Variants in KCNIP4 observed in about 807,000 individuals in gnomAD.
KCNIP4 encodes the protein potassium voltage-gated channel interacting protein 4.
KCNIP4 carries 12 observed loss-of-function variants against 34.0 expected under a neutral mutation model. That is an observed-to-expected ratio of 0.35 (90% confidence interval 0.23 to 0.57). The LOEUF (loss-of-function observed/expected upper bound fraction) is 0.57, where lower values mean the gene tolerates loss of function less well. Among genes scored for constraint, KCNIP4 ranks in the 20% least tolerant of loss-of-function variants. KCNIP4 has a pLI of 0.83. For synonymous variants in KCNIP4, 124 were observed against 102.2 expected (o/e 1.21, Z -1.29); for missense variants, 238 against 311.7 (o/e 0.76, Z 1.78).
At chr4:21,751,985 C>T (rs192093499) in intron 1 of KCNIP4, among the ~76,000 whole-genome samples, 60 of 152,280 alleles carry the variant, frequency 3.9e-4, no homozygotes, top group Non-Finnish European at 7.1e-4. Context: ...CCTCCTCCTT[C>T]AAGACGCATC....
At chr4:20,793,393 A>G (rs1713028831) in intron 3 of KCNIP4, among the ~76,000 whole-genome samples, 1 of 152,156 alleles carries the variant, frequency 6.6e-6, no homozygotes, top group African/African-American at 2.4e-5. Context: ...TCTGTGAATG[A>G]GATTGGCAAG....
At chr4:20,744,308 A>G (rs1263769812) in intron 5 of KCNIP4, among the ~76,000 whole-genome samples, 1 of 152,222 alleles carries the variant, frequency 6.6e-6, no homozygotes, top group East Asian at 1.9e-4. Flanking sequence ...ACACATGCAC[A>G]TGTATGTTTA....
chr4:21,827,733 T>C (rs1016521932), intron 1 of KCNIP4, among the ~76,000 whole-genome samples: 3 of 151,826 alleles, frequency 2.0e-5, no homozygotes, highest in Non-Finnish European at 2.9e-5. Flanking sequence ...TAAGAAAAAA[T>C]AAATACACTT....
At chr4:20,895,658 G>A (rs1726434146) in intron 1 of KCNIP4, among the ~76,000 whole-genome samples, 1 of 152,110 alleles carries the variant, frequency 6.6e-6, no homozygotes, top group African/African-American at 2.4e-5. Context: ...TAACCAATAA[G>A]TATTTATTGG....
intron 1 of KCNIP4, among the ~76,000 whole-genome samples, chr4:21,441,467 TC>T (rs1353345909): frequency 6.6e-6 from 1 of 152,064 alleles, no homozygotes. Context: ...AATGTCCCTT[TC>T]CCCATTGTTC....
chr4:21,447,602 T>C (rs1560415249), intron 1 of KCNIP4, among the ~76,000 whole-genome samples: 1 of 152,156 alleles, frequency 6.6e-6, no homozygotes, highest in Non-Finnish European at 1.5e-5. Context: ...TTCCTATACA[T>C]ACACACCTAT....
At chr4:21,027,330 G>A (rs6819439) in intron 1 of KCNIP4, among the ~76,000 whole-genome samples, 59,409 of 151,778 alleles carry the variant, frequency 0.39, 12,234 homozygotes, top group African/African-American at 0.53. Context: ...CAGAAGCTGT[G>A]CGGCCCGTGA....
intron 1 of KCNIP4, among the ~76,000 whole-genome samples, chr4:21,437,791 A>T (rs1727075715): frequency 6.6e-6 from 1 of 152,098 alleles, no homozygotes; most frequent in African/African-American, 2.4e-5. Context: ...CTTACTTTTA[A>T]TCTTGTTTTA....
At chr4:20,770,779 C>CA (rs1407686103) in intron 3 of KCNIP4, among the ~76,000 whole-genome samples, 1 of 152,000 alleles carries the variant, frequency 6.6e-6, no homozygotes, top group African/African-American at 2.4e-5. Flanking sequence ...ACTAAAAATA[C>CA]AAAAAATTAG....
chr4:21,024,482 A>AT (rs1425720460), intron 1 of KCNIP4, among the ~76,000 whole-genome samples: 3 of 152,216 alleles, frequency 2.0e-5, no homozygotes, highest in Non-Finnish European at 2.9e-5. Flanking sequence ...ACTTATAGTC[A>AT]TTCCCCAACA....
chr4:21,171,550 G>C (rs1445674297), intron 1 of KCNIP4, among the ~76,000 whole-genome samples: 1 of 152,092 alleles, frequency 6.6e-6, no homozygotes, highest in East Asian at 1.9e-4. Flanking sequence ...GAACAGCGAT[G>C]GGATCAGATT....
At chr4:21,545,317 A>T (rs1448137132) in intron 1 of KCNIP4, among the ~76,000 whole-genome samples, 1 of 152,076 alleles carries the variant, frequency 6.6e-6, no homozygotes, top group African/African-American at 2.4e-5. Context: ...GAACCATAAA[A>T]AAGGGCAATC....
At chr4:20,946,720 G>A (rs759630258) in intron 1 of KCNIP4, among the ~76,000 whole-genome samples, 2 of 152,104 alleles carry the variant, frequency 1.3e-5, no homozygotes, top group African/African-American at 4.8e-5. Context: ...GTCTTAGTGA[G>A]CAATGGACTA....
chr4:20,908,260 C>A (rs1727984212), intron 1 of KCNIP4, among the ~76,000 whole-genome samples: 1 of 152,088 alleles, frequency 6.6e-6, no homozygotes. Flanking sequence ...CCGCCATGCC[C>A]AGCTAATTTT....
At chr4:21,108,621 C>T (rs1222221098) in intron 1 of KCNIP4, among the ~76,000 whole-genome samples, 4 of 151,712 alleles carry the variant, frequency 2.6e-5, no homozygotes, top group Admixed American at 1.3e-4. Flanking sequence ...CTCCATCCAG[C>T]TTTGTTCCAT....
chr4:21,399,995 T>C (rs1423690546), intron 1 of KCNIP4, among the ~76,000 whole-genome samples: 1 of 152,100 alleles, frequency 6.6e-6, no homozygotes, highest in Non-Finnish European at 1.5e-5. Flanking sequence ...GTTATTACAG[T>C]GTCATAGAGA....
chr4:21,499,311 A>G (rs1228398919), intron 1 of KCNIP4, among the ~76,000 whole-genome samples: 2 of 147,758 alleles, frequency 1.4e-5, no homozygotes, highest in African/African-American at 5.1e-5. Flanking sequence ...AGTCTGGGTG[A>G]CAGAGTAAGA....
chr4:21,355,213 T>C lies in KCNIP4; in HGVS notation c.62-472504A>G, dbSNP rs184440667. Among the ~76,000 whole-genome samples the C allele has an allele frequency of 1.1e-4, 16 of 152,198 alleles. No individual in the cohort carries two copies. In the East Asian group the frequency reaches 2.7e-3, roughly 26 times the overall value. On this transcript the variant is annotated intron_variant, in intron 1 of 8. Coordinates refer to ENST00000382152, the MANE Select transcript of KCNIP4 (RefSeq NM_025221.6). ...AAGAGAAAGCAGGAAAGGTCTAAAA[T>C]TGACAACCTAACATCACAATTAAAA...
intron 1 of KCNIP4, among the ~76,000 whole-genome samples, chr4:21,430,450 G>A (rs1256713745): frequency 6.6e-6 from 1 of 151,956 alleles, no homozygotes; most frequent in Non-Finnish European, 1.5e-5. Context: ...CTTTGAGGAA[G>A]TAAGCCATAT....
Sources: allele counts gnomAD v4.1 joint callset (sites outside exome capture counted in the v4.1 genomes callset), GRCh38; gene constraint gnomAD v4.1.1; transcripts MANE v1.5; gene names NCBI Gene and HGNC (gene_info 2026-07-23, HGNC 2026-07-21).